PAX2: variants seen among roughly 807,000 people sequenced by gnomAD.
The protein encoded by PAX2 is paired box 2.
A neutral mutation model predicts 41.7 loss-of-function variants in PAX2; 9 were observed. That is an observed-to-expected ratio of 0.22 (90% CI 0.13 to 0.38). The LOEUF is 0.38. PAX2 is among the 10% of genes least tolerant of loss of function. The pLI is 1.00. For synonymous variants in PAX2, 221 were observed against 212.7 expected, an observed-to-expected ratio of 1.04 and a Z score of -0.34; for missense variants, 418 against 531.6, an observed-to-expected ratio of 0.79 and a Z score of 2.10.
intron 3 of PAX2, among the ~76,000 whole-genome samples, chr10:100,771,282 T>G (rs1200902601): frequency 6.6e-6 from 1 of 152,230 alleles, no homozygotes; most frequent in African/African-American, 2.4e-5. Flanking sequence ...CCCACAGCTC[T>G]GAAGAATGGC....
At chr10:100,763,460 C>T (rs1161801573) in intron 3 of PAX2, among the ~76,000 whole-genome samples, 8 of 152,198 alleles carry the variant, frequency 5.3e-5, no homozygotes, top group Non-Finnish European at 1.0e-4. Flanking sequence ...GTGTTCGAGT[C>T]TGATTTCTGG....
At chr10:100,773,427 C>T (rs895256896) in intron 3 of PAX2, among the ~76,000 whole-genome samples, 5 of 152,134 alleles carry the variant, frequency 3.3e-5, no homozygotes, top group Non-Finnish European at 5.9e-5. Context: ...CTTGTCTCCA[C>T]CTCAGGGAGT....
chr10:100,808,723 C>G (rs1390461937), intron 6 of PAX2, among the ~76,000 whole-genome samples: 4 of 152,182 alleles, frequency 2.6e-5, no homozygotes, highest in Non-Finnish European at 5.9e-5. Context: ...GGCCCTTCTC[C>G]CAGCTACTGG....
chr10:100,745,352 C>T (rs1260735354), upstream of PAX2, among the ~76,000 whole-genome samples: 1 of 151,570 alleles, frequency 6.6e-6, no homozygotes, highest in Non-Finnish European at 1.5e-5. Flanking sequence ...TGCTCCCTCC[C>T]TCCCTCCCTC....
At chr10:100,781,497 A>C in intron 5 of PAX2, 132 bp downstream of exon 5, 1 of 958,920 alleles carries the variant, frequency 1.0e-6, no homozygotes, top group South Asian at 1.3e-5. Context: ...AGGTCCCCCC[A>C]CTGCCCTGCT....
upstream of PAX2, among the ~76,000 whole-genome samples, chr10:100,744,713 C>T (rs144630810): frequency 1.3e-5 from 2 of 152,338 alleles, no homozygotes; most frequent in Non-Finnish European, 2.9e-5. Context: ...GTACCCCCTT[C>T]CCAGTCACCC....
intron 5 of PAX2, among the ~76,000 whole-genome samples, chr10:100,800,602 A>C (rs1564733916): frequency 1.3e-5 from 2 of 150,610 alleles, no homozygotes; most frequent in Admixed American, 6.6e-5. Flanking sequence ...TATTACCACC[A>C]CCCCCAACTG....
Position 100,791,660 on chromosome 10 carries a change from T to TGCTGGCTCACACAGATCTCCCTC in PAX2, c.616+10297_616+10319dup. Reference sequence around the variant, plus strand: ...ATGCGCGGACACACTCACACACCCTTGCTGGCTCACACAGATCTCCCTCGG... The same window carrying TGCTGGCTCACACAGATCTCCCTC: ...ATGCGCGGACACACTCACACACCCTTGCTGGCTCACACAGATCTCCCTCGCTGGCTCACACAGATCTCCCTCGG... On this transcript the variant is annotated intron_variant, in intron 5 of 9. Transcript: ENST00000355243. This position sits in a 1 kb window ranked among gnomAD's most constrained non-coding sequence, Gnocchi z 4.5. Among the ~76,000 whole-genome samples, 1 of 152,138 alleles carries TGCTGGCTCACACAGATCTCCCTC rather than the reference T, an allele frequency of 6.6e-6. No individual in the cohort carries two copies. Among genetic ancestry groups the TGCTGGCTCACACAGATCTCCCTC allele is most frequent in the South Asian group, 2.1e-4 (1 of 4,820 alleles).
chr10:100,816,803 C>G (rs986529255), intron 7 of PAX2, among the ~76,000 whole-genome samples: 1 of 152,172 alleles, frequency 6.6e-6, no homozygotes, highest in African/African-American at 2.4e-5. Context: ...CCCCTCTTCT[C>G]CCCAGTGGTG....
At chr10:100,779,194 C>T (rs1846508708) in intron 3 of PAX2, among the ~76,000 whole-genome samples, 1 of 152,220 alleles carries the variant, frequency 6.6e-6, no homozygotes, top group South Asian at 2.1e-4. Context: ...AGAAAGGATG[C>T]TGTGCTCACT....
chr10:100,744,562 G>GC (rs1480196643), upstream of PAX2, among the ~76,000 whole-genome samples: 1 of 152,212 alleles, frequency 6.6e-6, no homozygotes, highest in Non-Finnish European at 1.5e-5. Flanking sequence ...TCCTGCGCTC[G>GC]CCCCGGATCC....
At chr10:100,811,647 C>G (rs1490596600) in intron 7 of PAX2, among the ~76,000 whole-genome samples, 2 of 152,332 alleles carry the variant, frequency 1.3e-5, no homozygotes, top group African/African-American at 4.8e-5. Flanking sequence ...CTCAAAGAGT[C>G]TTTAAAAGCT....
At position 100,781,333 on chromosome 10, in the gene PAX2, G is replaced by T; in HGVS notation, c.584G>T (p.Arg195Leu). The part of the protein sequence containing the change: ...YSINGILGIP[R>L]SNGEKRKRDE... Reference sequence around the variant, plus strand: ...ATCAATGGGATCCTGGGGATTCCTCGCTCCAATGGTGAGAAGAGGAAACGT... The same window carrying T: ...ATCAATGGGATCCTGGGGATTCCTCTCTCCAATGGTGAGAAGAGGAAACGT... Residue 195 changes from arginine (R) to leucine (L), a missense_variant, in exon 5 of 10, where the codon CGC (arginine) becomes CTC (leucine). By Grantham distance (102) the Arg-to-Leu change is moderately radical (BLOSUM62 -2). Around this residue, in one of 2 missense-constraint regions of PAX2, gnomAD observed 310 missense variants for 325.2 expected, o/e 0.95. Transcript: ENST00000355243. 1 of 1,613,680 alleles carries T rather than the reference G, an allele frequency of 6.2e-7. No homozygotes were observed. Among genetic ancestry groups the T allele is most frequent in the Non-Finnish European group, 8.5e-7 (1 of 1,179,606 alleles).
chr10:100,740,665 C>T (rs139237240), upstream of PAX2, among the ~76,000 whole-genome samples: 14 of 152,310 alleles, frequency 9.2e-5, no homozygotes, highest in East Asian at 2.1e-3. Flanking sequence ...ACAAGACAGG[C>T]GTAATTATCC....
intron 1 of PAX2, chr10:100,749,343 G>A (rs1332879190): frequency 2.0e-6 from 2 of 1,012,416 alleles, no homozygotes; most frequent in South Asian, 4.6e-5. Context: ...TGCCTGCGGC[G>A]CAGGCGGGAT....
chr10:100,737,117 G>C (rs567097465), intron 1 of PAX2, among the ~76,000 whole-genome samples: 5 of 152,190 alleles, frequency 3.3e-5, no homozygotes, highest in Admixed American at 3.3e-4. Flanking sequence ...ATTTGCTCAA[G>C]CTCCTGAGAC....
chr10:100,821,646 C>T (rs1848383519), intron 7 of PAX2, among the ~76,000 whole-genome samples: 1 of 152,218 alleles, frequency 6.6e-6, no homozygotes, highest in Non-Finnish European at 1.5e-5. Context: ...TCCAGGTTAG[C>T]TGGAAACATC....
chr10:100,768,418 A>G (rs935194293), intron 3 of PAX2, among the ~76,000 whole-genome samples: 1 of 152,246 alleles, frequency 6.6e-6, no homozygotes, highest in Non-Finnish European at 1.5e-5. Flanking sequence ...CAAACCTACC[A>G]GTGCATATAA....
intron 6 of PAX2, among the ~76,000 whole-genome samples, chr10:100,807,513 G>A (rs1847835352): frequency 6.6e-6 from 1 of 151,402 alleles, no homozygotes; most frequent in Non-Finnish European, 1.5e-5. Context: ...CACAGCCCAC[G>A]GTACTGTGCT....
Sources: allele counts gnomAD v4.1 joint callset (sites outside exome capture counted in the v4.1 genomes callset), GRCh38; gene constraint gnomAD v4.1.1; regional missense constraint gnomAD v4.1.1; non-coding constraint Gnocchi (gnomAD v3.1); transcripts MANE v1.5; gene names NCBI Gene and HGNC (gene_info 2026-07-23, HGNC 2026-07-21).